The following ASAP1 variants were observed in gnomAD, a reference collection of about 807,000 sequenced individuals.
ASAP1 encodes arf-GAP with SH3 domain, ANK repeat and PH domain-containing protein 1.
ASAP1 carries 43 observed loss-of-function variants against 145.2 expected under a neutral mutation model. The observed-to-expected ratio is 0.30, with a 90% confidence interval of 0.23 to 0.38. The LOEUF is 0.38. ASAP1 is among the 10% of genes least tolerant of loss of function. ASAP1 has a pLI of 1.00. For missense variants in ASAP1, 1,018 were observed against 1,355.3 expected (o/e 0.75, Z 3.91); for synonymous variants, 546 against 515.5 (o/e 1.06, Z -0.80).
intron 26 of ASAP1, 88 bp downstream of exon 26, chr8:130,079,814 C>A: frequency 7.2e-7 from 1 of 1,385,108 alleles, no homozygotes; most frequent in East Asian, 2.3e-5. Context: ...TTGAGCAGCG[C>A]TGGGAAATTC....
At chr8:130,285,666 C>T (rs1207602948) in intron 3 of ASAP1, among the ~76,000 whole-genome samples, 1 of 152,150 alleles carries the variant, frequency 6.6e-6, no homozygotes, top group Admixed American at 6.5e-5. Context: ...GGAAAGCATC[C>T]ATGATTAGTG....
At chr8:130,124,959 T>C (rs2097572600) in intron 17 of ASAP1, among the ~76,000 whole-genome samples, 1 of 152,196 alleles carries the variant, frequency 6.6e-6, no homozygotes, top group African/African-American at 2.4e-5. Context: ...ACTTCCTACA[T>C]TCTAAATTAG....
chr8:130,297,269 T>C (rs1822341325), intron 3 of ASAP1, among the ~76,000 whole-genome samples: 1 of 152,194 alleles, frequency 6.6e-6, no homozygotes, highest in Non-Finnish European at 1.5e-5. Context: ...TCAAAATCTG[T>C]GTATACTCAA....
intron 9 of ASAP1, among the ~76,000 whole-genome samples, chr8:130,173,970 A>C (rs1347907830): frequency 1.3e-5 from 2 of 151,742 alleles, no homozygotes; most frequent in Non-Finnish European, 2.9e-5. Flanking sequence ...AGTCCCAGCT[A>C]CTTGGGAGGC....
chr8:130,072,823 G>GTGTGTGTGTGTGTGTGCGCGTGTGCA (rs2097450694), intron 27 of ASAP1, among the ~76,000 whole-genome samples: 1 of 72,628 alleles, frequency 1.4e-5, no homozygotes, highest in Non-Finnish European at 2.7e-5. Flanking sequence ...GTGTGTGTGT[G>GTGTGTGTGTGTGTGTGCGCGTGTGCA]TGCGCGCGGG....
At chr8:130,417,573 G>T (rs776252484) in intron 1 of ASAP1, among the ~76,000 whole-genome samples, 11 of 150,370 alleles carry the variant, frequency 7.3e-5, no homozygotes, top group Non-Finnish European at 1.5e-4. Context: ...CCCATACCTA[G>T]ACATGCTTCA....
At chr8:130,147,787 T>C (rs1257102951) in intron 13 of ASAP1, among the ~76,000 whole-genome samples, 1 of 152,198 alleles carries the variant, frequency 6.6e-6, no homozygotes, top group Non-Finnish European at 1.5e-5. Flanking sequence ...CACACACACA[T>C]TATCTACCTA....
chr8:130,401,701 A>T (rs574645153), intron 2 of ASAP1, among the ~76,000 whole-genome samples, 184 bp downstream of exon 2: 3 of 152,356 alleles, frequency 2.0e-5, no homozygotes, highest in Admixed American at 2.0e-4. Flanking sequence ...GACAGAAAAC[A>T]TAGTAGGCAG....
intron 3 of ASAP1, among the ~76,000 whole-genome samples, chr8:130,315,652 C>T (rs1244816508): frequency 6.6e-6 from 1 of 152,182 alleles, no homozygotes; most frequent in Non-Finnish European, 1.5e-5. Context: ...TTAGCAGGGT[C>T]CCCTGCTTCC....
At chr8:130,205,272 T>C (rs1178772247) in intron 5 of ASAP1, among the ~76,000 whole-genome samples, 1 of 151,248 alleles carries the variant, frequency 6.6e-6, no homozygotes, top group African/African-American at 2.4e-5. Flanking sequence ...ATACACCCTT[T>C]AGACAAGTGC....
intron 3 of ASAP1, among the ~76,000 whole-genome samples, chr8:130,330,509 G>A (rs886689806): frequency 6.6e-6 from 1 of 152,242 alleles, no homozygotes; most frequent in East Asian, 1.9e-4. Context: ...CAGAAAGCAT[G>A]TCTAATTCAT....
At chr8:130,174,512 C>A (rs2136126065) in intron 9 of ASAP1, among the ~76,000 whole-genome samples, 1 of 152,288 alleles carries the variant, frequency 6.6e-6, no homozygotes, top group Non-Finnish European at 1.5e-5. Flanking sequence ...CCAGTCACCG[C>A]ACTATTATAC....
chr8:130,307,520 A>C (rs998269764), intron 3 of ASAP1, among the ~76,000 whole-genome samples: 1 of 151,970 alleles, frequency 6.6e-6, no homozygotes, highest in Non-Finnish European at 1.5e-5. Flanking sequence ...AAAGTGGTAA[A>C]ATTTTACCTG....
chr8:130,225,924 G>T (rs1817560304), intron 4 of ASAP1, among the ~76,000 whole-genome samples: 1 of 152,216 alleles, frequency 6.6e-6, no homozygotes, highest in South Asian at 2.1e-4. Flanking sequence ...TGTTGCCCAG[G>T]CTGTAATGCC....
intron 14 of ASAP1, 150 bp downstream of exon 14, chr8:130,136,801 G>A: frequency 1.5e-6 from 1 of 670,446 alleles, no homozygotes; most frequent in Non-Finnish European, 2.6e-6. Flanking sequence ...AAGAGACCTG[G>A]GGCATCTTCC....
chr8:130,187,385 G>T, intron 6 of ASAP1, 100 bp from the exon 7 acceptor site: 1 of 980,798 alleles, frequency 1.0e-6, no homozygotes, highest in Non-Finnish European at 1.5e-6. Flanking sequence ...TTCCTTTATA[G>T]GACACTGGGA....
At chr8:130,425,743 G>A (rs1026828116) in intron 1 of ASAP1, among the ~76,000 whole-genome samples, 1 of 152,178 alleles carries the variant, frequency 6.6e-6, no homozygotes, top group Admixed American at 6.5e-5. Flanking sequence ...GTCAGGCACT[G>A]GGCTAGGTTT....
chr8:130,073,431 A>G (rs79480760), intron 27 of ASAP1, among the ~76,000 whole-genome samples: 3,934 of 151,252 alleles, frequency 0.026, 63 homozygotes, highest in Middle Eastern at 0.045. Context: ...AGCTTTCCAG[A>G]TGGGTGTAAA....
chr8:130,159,493 G>A (rs1243916065), intron 12 of ASAP1, among the ~76,000 whole-genome samples: 1 of 150,914 alleles, frequency 6.6e-6, no homozygotes, highest in Non-Finnish European at 1.5e-5. Context: ...GTGGTGGCAG[G>A]CGCCTGCAGT....
Sources: gnomAD v4.1 joint callset for allele counts (sites outside exome capture counted in the v4.1 genomes callset) on GRCh38, gnomAD v4.1.1 for gene constraint, MANE v1.5 for transcripts, NCBI Gene and HGNC (gene_info 2026-07-23, HGNC 2026-07-21) for gene names.